The following NIM1K variants were observed in gnomAD, a reference collection of about 807,000 sequenced individuals.
NIM1K encodes NIM1 serine/threonine protein kinase.
A neutral mutation model predicts 37.1 loss-of-function variants in NIM1K; 35 were observed. That is an observed-to-expected ratio of 0.94 (90% CI 0.72 to 1.25). NIM1K has a LOEUF of 1.25. NIM1K is among the 50% of genes most tolerant of loss of function. The pLI is 0.00. For synonymous variants in NIM1K, 234 were observed against 206.6 expected (o/e 1.13, Z -1.14); for missense variants, 564 against 548.0 (o/e 1.03, Z -0.29).
At chr5:43,216,833 G>T (rs1377525093) in intron 1 of NIM1K, among the ~76,000 whole-genome samples, 2 of 152,188 alleles carry the variant, frequency 1.3e-5, no homozygotes, top group Non-Finnish European at 2.9e-5. Context: ...AAATGGTCTG[G>T]AATCAGAAAG....
chr5:43,265,241 C>T (rs1421177879), intron 2 of NIM1K, among the ~76,000 whole-genome samples: 1 of 152,214 alleles, frequency 6.6e-6, no homozygotes, highest in Non-Finnish European at 1.5e-5. Context: ...CTCTCCGTCA[C>T]TTTCAGGTAC....
chr5:43,198,458 A>G (rs572938852), intron 1 of NIM1K, among the ~76,000 whole-genome samples: 3 of 142,392 alleles, frequency 2.1e-5, no homozygotes, highest in African/African-American at 5.2e-5. Context: ...CCTTCTTTCT[A>G]TAGTGAAAAC....
At chr5:43,270,503 T>A (rs1232096731) in intron 2 of NIM1K, among the ~76,000 whole-genome samples, 1 of 152,064 alleles carries the variant, frequency 6.6e-6, no homozygotes, top group African/African-American at 2.4e-5. Context: ...CTCAATAAAG[T>A]AGGAAGCAAG....
intron 1 of NIM1K, among the ~76,000 whole-genome samples, chr5:43,204,081 G>T (rs1435649260): frequency 7.0e-5 from 6 of 85,382 alleles, no homozygotes; most frequent in South Asian, 4.9e-4. Context: ...AGTTCCAATG[G>T]TTTTTTTTTT....
intron 2 of NIM1K, among the ~76,000 whole-genome samples, chr5:43,263,185 G>C (rs1753063198): frequency 6.6e-6 from 1 of 152,156 alleles, no homozygotes; most frequent in Non-Finnish European, 1.5e-5. Context: ...AGAAGGAATG[G>C]TACCAGCTCC....
chr5:43,211,346 T>G (rs1752201565), intron 1 of NIM1K, among the ~76,000 whole-genome samples: 1 of 152,190 alleles, frequency 6.6e-6, no homozygotes, highest in Non-Finnish European at 1.5e-5. Context: ...TCTGCTCAGT[T>G]GTGGTTACAT....
intron 1 of NIM1K, among the ~76,000 whole-genome samples, chr5:43,214,085 A>G (rs1033018584): frequency 3.3e-5 from 5 of 151,330 alleles, no homozygotes; most frequent in Non-Finnish European, 7.4e-5. Context: ...CATTACAGGC[A>G]TGAGCCACCA....
intron 1 of NIM1K, among the ~76,000 whole-genome samples, chr5:43,243,706 G>A (rs1163010455): frequency 1.3e-5 from 2 of 151,884 alleles, no homozygotes; most frequent in Admixed American, 6.6e-5. Context: ...GACAGGGTCC[G>A]GCATTGTCAC....
At chr5:43,193,207 TGGA>T (rs1751858838) in intron 1 of NIM1K, 1 of 152,202 alleles carries the variant, frequency 6.6e-6, no homozygotes, top group East Asian at 1.9e-4. Flanking sequence ...TCTTGGCAGA[TGGA>T]GAAGTCAAGG....
intron 1 of NIM1K, among the ~76,000 whole-genome samples, chr5:43,213,930 T>C (rs1385461148): frequency 6.1e-5 from 2 of 33,004 alleles, no homozygotes; most frequent in African/African-American, 8.1e-5. Flanking sequence ...TGCCTAGCTC[T>C]TTCTCTCTTT....
chr5:43,247,859 C>G (rs1041440747), intron 2 of NIM1K, among the ~76,000 whole-genome samples: 2 of 152,186 alleles, frequency 1.3e-5, no homozygotes, highest in Non-Finnish European at 2.9e-5. Flanking sequence ...TTTCATTTCA[C>G]TTGAGAGAAT....
rs1001531424 is a variant in NIM1K, at chr5:43,266,429, G to A, written c.293-10628G>A. ...GTGGGACCCTCTGAGCCAGGTGCGG[G>A]ATATGATCTCCTGGTGTGCCATTTG... is the stretch of plus-strand genomic sequence containing the variant. On this transcript the variant is annotated intron_variant, in intron 2 of 3. Transcript: ENST00000326035. Among the ~76,000 whole-genome samples, 9 of 152,358 alleles carry A rather than the reference G, an allele frequency of 5.9e-5. No individual in the cohort carries two copies. In the South Asian group the frequency reaches 8.3e-4, roughly 14 times the overall value.
At chr5:43,198,961 G>A (rs547665612) in intron 1 of NIM1K, among the ~76,000 whole-genome samples, 1 of 151,708 alleles carries the variant, frequency 6.6e-6, no homozygotes, top group Non-Finnish European at 1.5e-5. Flanking sequence ...GGCCAAGGTG[G>A]GTGGATCACC....
intron 1 of NIM1K, among the ~76,000 whole-genome samples, chr5:43,200,853 C>T (rs541416987): frequency 2.7e-4 from 41 of 152,214 alleles, no homozygotes; most frequent in African/African-American, 8.9e-4. Flanking sequence ...TGGCTGGGCG[C>T]GTTGGCTCAA....
At chr5:43,210,057 ATG>A (rs1427484426) in intron 1 of NIM1K, among the ~76,000 whole-genome samples, 1 of 152,230 alleles carries the variant, frequency 6.6e-6, no homozygotes, top group Non-Finnish European at 1.5e-5. Flanking sequence ...GAGGACAAGT[ATG>A]TACACAGTAA....
intron 1 of NIM1K, among the ~76,000 whole-genome samples, chr5:43,241,432 T>C (rs1752701611): frequency 6.6e-6 from 1 of 151,648 alleles, no homozygotes; most frequent in African/African-American, 2.4e-5. Context: ...CTCCGCCTCC[T>C]GGGTTCAAGT....
intron 2 of NIM1K, among the ~76,000 whole-genome samples, chr5:43,247,770 G>A (rs1165309406): frequency 6.6e-6 from 1 of 152,192 alleles, no homozygotes; most frequent in African/African-American, 2.4e-5. Context: ...CCACAAATGG[G>A]TAATCTAAGT....
In NIM1K at chr5:43,245,540, G is replaced by A. The variant is rs181859264; in HGVS notation, c.-236G>A. The A allele has an allele frequency of 1.4e-5, 6 of 438,028 alleles. No homozygotes were observed. The highest frequency in any genetic ancestry group is 2.0e-5 in the African/African-American group (1 of 50,344). 27.1% of individuals were successfully genotyped at this position (438,028 alleles called of 1,614,324 possible). On this transcript the variant is annotated 5_prime_UTR_variant, in exon 2 of 4. It adds an upstream start codon to the 5' untranslated region. Coordinates refer to ENST00000326035, the MANE Select transcript of NIM1K (RefSeq NM_153361.4). ...GCCTGCAAGTTCAACGTGAGGGAAG[G>A]TGGGAAATGTCTTGAGTGAGGCGAG...
At chr5:43,269,861 A>AC (rs1299303207) in intron 2 of NIM1K, among the ~76,000 whole-genome samples, 7 of 151,164 alleles carry the variant, frequency 4.6e-5, no homozygotes, top group Admixed American at 6.6e-5. Flanking sequence ...CTCGTGATCC[A>AC]CCCCCCTTGG....
Sources: gnomAD v4.1 joint callset for allele counts (sites outside exome capture counted in the v4.1 genomes callset) on GRCh38, gnomAD v4.1.1 for gene constraint, MANE v1.5 for transcripts, NCBI Gene and HGNC (gene_info 2026-07-23, HGNC 2026-07-21) for gene names.